Variants in ATP2B2 observed in about 807,000 individuals in gnomAD.
ATP2B2 encodes plasma membrane calcium-transporting ATPase 2.
A neutral mutation model predicts 120.0 loss-of-function variants in ATP2B2; 15 were observed. The ratio of observed to expected loss-of-function variants is 0.12; its 90% confidence interval spans 0.08 to 0.19. ATP2B2 has a LOEUF of 0.19. Among genes scored for constraint, ATP2B2 ranks in the 10% least tolerant of loss-of-function variants. The pLI, the probability that ATP2B2 is intolerant of heterozygous loss-of-function variation, is 1.00. For synonymous variants in ATP2B2, 694 were observed against 700.3 expected (o/e 0.99, Z 0.14); for missense variants, 1,045 against 1,719.8 (o/e 0.61, Z 6.94).
chr3:10,463,846 G>C (rs1487117474), intron 1 of ATP2B2, among the ~76,000 whole-genome samples: 1 of 152,216 alleles, frequency 6.6e-6, no homozygotes, highest in Non-Finnish European at 1.5e-5. Context: ...CTGAAACCTG[G>C]AGGTCAGGGC....
chr3:10,648,269 G>A (rs572044863), intron 1 of ATP2B2, among the ~76,000 whole-genome samples: 13 of 152,078 alleles, frequency 8.5e-5, no homozygotes, highest in Admixed American at 2.6e-4. Context: ...CCCTCCACCT[G>A]GAGACAATCT....
At chr3:10,628,297 G>A (rs1431283783) in intron 1 of ATP2B2, among the ~76,000 whole-genome samples, 1 of 151,620 alleles carries the variant, frequency 6.6e-6, no homozygotes, top group South Asian at 2.1e-4. Context: ...AGGACTCCCA[G>A]AGGGAGGCTG....
chr3:10,692,685 G>C (rs1341104601), intron 1 of ATP2B2, among the ~76,000 whole-genome samples: 1 of 152,184 alleles, frequency 6.6e-6, no homozygotes, highest in Non-Finnish European at 1.5e-5. Flanking sequence ...GGCAACACTG[G>C]GTAGACCTTA....
intron 2 of ATP2B2, among the ~76,000 whole-genome samples, chr3:10,448,854 G>C (rs990710972): frequency 6.6e-6 from 1 of 152,192 alleles, no homozygotes; most frequent in Non-Finnish European, 1.5e-5. Context: ...GCCCACACTA[G>C]GGAATTCCTG....
intron 1 of ATP2B2, among the ~76,000 whole-genome samples, chr3:10,684,046 C>A (rs1434076900): frequency 1.3e-5 from 2 of 152,026 alleles, no homozygotes; most frequent in Non-Finnish European, 2.9e-5. Context: ...CCTTTCCCAT[C>A]CAATGGGGCT....
intron 8 of ATP2B2, 53 bp from the exon 9 acceptor site, chr3:10,379,337 G>A: frequency 8.8e-6 from 14 of 1,590,796 alleles, no homozygotes; most frequent in Non-Finnish European, 1.2e-5. Context: ...CACATGGTCG[G>A]TCATCACGAA....
Position 10,326,897 on chromosome 3 carries a change from G to C in ATP2B2, c.*1917C>G. On this transcript the variant is annotated 3_prime_UTR_variant, in exon 23 of 23. Coordinates refer to ENST00000360273, the MANE Select transcript of ATP2B2 (RefSeq NM_001001331.4). ...CATCTTGTTTGTGGAAGAGTTCTCT[G>C]GGCCTGGAGAAGGGAAGGGGCTGGG... 2.5e-6 allele frequency: 1 copy of C among 398,928 alleles called. No individual in the cohort carries two copies. Among genetic ancestry groups the C allele is most frequent in the Admixed American group, 4.4e-5 (1 of 22,710 alleles). 24.7% of individuals were successfully genotyped at this position (398,928 alleles called of 1,614,324 possible).
chr3:10,608,696 C>T (rs891630174), intron 2 of ATP2B2, among the ~76,000 whole-genome samples: 6 of 152,210 alleles, frequency 3.9e-5, no homozygotes, highest in Admixed American at 1.3e-4. Context: ...TGAAATGGCC[C>T]TTCATCTGTA....
At chr3:10,586,139 C>T (rs185046294) in intron 2 of ATP2B2, among the ~76,000 whole-genome samples, 8 of 152,230 alleles carry the variant, frequency 5.3e-5, no homozygotes, top group African/African-American at 1.7e-4. Flanking sequence ...TACTTCTGAC[C>T]GAAGCCATGA....
chr3:10,356,931 C>T (rs2125438587), intron 14 of ATP2B2, among the ~76,000 whole-genome samples: 1 of 151,618 alleles, frequency 6.6e-6, no homozygotes, highest in African/African-American at 2.4e-5. Context: ...GTGAGGAAGC[C>T]ACAATGACAC....
At chr3:10,685,851 T>A (rs369046747) in intron 1 of ATP2B2, among the ~76,000 whole-genome samples, 1 of 152,224 alleles carries the variant, frequency 6.6e-6, no homozygotes, top group Non-Finnish European at 1.5e-5. Flanking sequence ...AAGCCCTATA[T>A]GAGAAGGCTT....
chr3:10,413,933 A>G (rs1327271560), intron 2 of ATP2B2, among the ~76,000 whole-genome samples: 1 of 152,228 alleles, frequency 6.6e-6, no homozygotes, highest in Non-Finnish European at 1.5e-5. Flanking sequence ...TGACCAGCCA[A>G]CACTGGCCTG....
intron 2 of ATP2B2, among the ~76,000 whole-genome samples, chr3:10,608,577 C>T (rs772876828): frequency 6.6e-5 from 10 of 152,264 alleles, no homozygotes; most frequent in Non-Finnish European, 1.3e-4. Flanking sequence ...CCGAGCCCGT[C>T]ACCACATACG....
In ATP2B2 at chr3:10,388,048, G is replaced by A. The variant is rs116450434; in HGVS notation, c.907+229C>T. The A allele has an allele frequency of 2.5e-3, 1,373 of 552,222 alleles. 18 individuals carry two copies. The highest frequency in any genetic ancestry group is 0.024 in the African/African-American group (1,254 of 52,752). 34.2% of individuals were successfully genotyped at this position (552,222 alleles called of 1,614,324 possible). ...TTGGCCTGGCCCGGAGGGGAAGGAGGGGCCTCCATGACATGATTGGACAAG... is the reference window on the plus strand; with the variant it reads ...TTGGCCTGGCCCGGAGGGGAAGGAGAGGCCTCCATGACATGATTGGACAAG... On this transcript the variant is annotated intron_variant, in intron 6 of 22. Transcript: ENST00000360273.
intron 2 of ATP2B2, among the ~76,000 whole-genome samples, chr3:10,599,508 A>G (rs1327078433): frequency 2.0e-5 from 3 of 152,088 alleles, no homozygotes; most frequent in African/African-American, 7.2e-5. Context: ...GAGCCCCTGG[A>G]GGGCAGGCAT....
intron 1 of ATP2B2, among the ~76,000 whole-genome samples, chr3:10,624,061 C>T (rs1168320237): frequency 6.6e-6 from 1 of 152,178 alleles, no homozygotes; most frequent in East Asian, 1.9e-4. Context: ...TAGCTCCCAT[C>T]CCCCTTGTAG....
intron 1 of ATP2B2, among the ~76,000 whole-genome samples, chr3:10,670,464 C>A (rs911670989): frequency 6.6e-5 from 10 of 152,294 alleles, no homozygotes; most frequent in East Asian, 3.9e-4. Context: ...GTTGCCCAGG[C>A]TGGAATGCAG....
Position 10,343,274 on chromosome 3 carries a change from C to T in ATP2B2, c.2704-309G>A, listed in dbSNP as rs913335566. Among the ~76,000 whole-genome samples the T allele has an allele frequency of 5.9e-5, 9 of 152,172 alleles. No individual in the cohort carries two copies. The highest frequency in any genetic ancestry group is 2.1e-4 in the South Asian group (1 of 4,808). ...ATCTTCCCCTCTCCCCTCCAGCCCC[C>T]GAGGAGGGGGTCTCTCCTGGCTGAG... is the stretch of plus-strand genomic sequence containing the variant. On this transcript the variant is annotated intron_variant, in intron 18 of 22. Coordinates refer to ENST00000360273, the MANE Select transcript of ATP2B2 (RefSeq NM_001001331.4). The surrounding 1 kb of genome is among the most constrained non-coding windows in gnomAD (Gnocchi z 4.2).
chr3:10,447,555 T>A (rs550788131), intron 2 of ATP2B2, among the ~76,000 whole-genome samples: 2 of 152,246 alleles, frequency 1.3e-5, no homozygotes, highest in Admixed American at 6.5e-5. Context: ...CCCCAGGGAC[T>A]GGGGCTGAGA....
Sources: gnomAD v4.1 joint callset for allele counts (sites outside exome capture counted in the v4.1 genomes callset) on GRCh38, gnomAD v4.1.1 for gene constraint, Gnocchi (gnomAD v3.1) non-coding constraint, MANE v1.5 for transcripts, NCBI Gene and HGNC (gene_info 2026-07-23, HGNC 2026-07-21) for gene names.